The following TTC7A variants were observed in gnomAD, a reference collection of about 807,000 sequenced individuals.
TTC7A encodes the protein tetratricopeptide repeat domain 7A, also known as tetratricopeptide repeat protein 7A.
Under a neutral mutation model 103.7 loss-of-function variants are expected in TTC7A, and 110 were observed. The observed-to-expected ratio is 1.06, with a 90% CI of 0.91 to 1.24. The LOEUF (loss-of-function observed/expected upper bound fraction) is 1.24, where lower values mean the gene tolerates loss of function less well. Ranked by LOEUF, TTC7A falls within the 50% of genes most tolerant of loss-of-function variation. TTC7A has a pLI of 0.00. For synonymous variants in TTC7A, 521 were observed against 467.9 expected (o/e 1.11, Z -1.47); for missense variants, 1,340 against 1,116.3 (o/e 1.20, Z -2.86).
At chr2:47,005,839 G>C in intron 8 of TTC7A, 83 bp from the exon 9 acceptor site, 1 of 1,523,482 alleles carries the variant, frequency 6.6e-7, no homozygotes, top group Non-Finnish European at 9.0e-7. Flanking sequence ...TAGCGGCTGG[G>C]CCAGCAAGGT....
intron 14 of TTC7A, among the ~76,000 whole-genome samples, chr2:47,029,017 C>A (rs564206617): frequency 3.9e-4 from 60 of 152,334 alleles, no homozygotes; most frequent in African/African-American, 1.4e-3. Flanking sequence ...CACCACAAAC[C>A]TGCTTCTCTT....
chr2:46,934,787 CTTTTTTTTTTTTTTTTTT>C (rs1161003607), intron 2 of TTC7A, among the ~76,000 whole-genome samples: 3 of 66,888 alleles, frequency 4.5e-5, no homozygotes, highest in South Asian at 5.8e-4. Context: ...GACTACTGCT[CTTTTTTTTTTTTTTTTTT>C]TTTTTTTTTT....
rs546551153 is a variant in TTC7A at position 46,980,308 on chromosome 2, G to A, written c.764+1401G>A. Among the ~76,000 whole-genome samples the A allele has an allele frequency of 3.4e-5, 5 of 145,900 alleles. No individual in the cohort carries two copies. In the East Asian group the frequency reaches 6.1e-4, roughly 18 times the overall value. ...GATCATGGCTCACTGTACCTCCTGC[G>A]TTCTGGGCTCAGGTGATCCTCCCAC... On this transcript the variant is annotated intron_variant, in intron 5 of 19. Transcript: ENST00000319190.
intron 5 of TTC7A, among the ~76,000 whole-genome samples, chr2:46,979,744 C>G (rs900791856): frequency 1.2e-4 from 18 of 152,210 alleles, no homozygotes; most frequent in Admixed American, 7.9e-4. Context: ...CTGGCAACAT[C>G]TCCACCAGTC....
At chr2:47,001,038 A>G (rs1013579265) in intron 8 of TTC7A, among the ~76,000 whole-genome samples, 4 of 151,812 alleles carry the variant, frequency 2.6e-5, no homozygotes, top group African/African-American at 9.7e-5. Flanking sequence ...TTAGGTCCCA[A>G]CCCCCTGTCT....
chr2:47,006,651 G>C lies in TTC7A; in HGVS notation c.1214G>C (p.Arg405Pro). ...ATCTCCCCTCCCCAGTGCCTGGAGCGAGCCATGAAGTTTGCGTTTGGAGAA... is the reference window on the plus strand; with the variant it reads ...ATCTCCCCTCCCCAGTGCCTGGAGCCAGCCATGAAGTTTGCGTTTGGAGAA... ...QYVMLSECLE[R>P]AMKFAFGEFH... Residue 405 changes from arginine to proline, a missense_variant, in exon 10 of 20, where the codon CGA becomes CCA. Transcript: ENST00000319190. 3.1e-6 allele frequency: 5 copies of C among 1,614,096 alleles called. No homozygotes were observed. Among genetic ancestry groups the C allele is most frequent in the Non-Finnish European group, 4.2e-6 (5 of 1,179,944 alleles).
At chr2:46,972,612 A>G (rs960215888) in intron 3 of TTC7A, among the ~76,000 whole-genome samples, 1 of 152,224 alleles carries the variant, frequency 6.6e-6, no homozygotes, top group Non-Finnish European at 1.5e-5. Context: ...CATGGCTGTC[A>G]TGATCAGCTG....
At chr2:46,999,077 A>G (rs530225950) in intron 8 of TTC7A, among the ~76,000 whole-genome samples, 1 of 151,856 alleles carries the variant, frequency 6.6e-6, no homozygotes, top group Admixed American at 6.6e-5. Context: ...CTGGCCATCT[A>G]CCCTCCCATC....
At chr2:47,034,953 C>T (rs551352052) in intron 15 of TTC7A, among the ~76,000 whole-genome samples, 1 of 152,208 alleles carries the variant, frequency 6.6e-6, no homozygotes, top group African/African-American at 2.4e-5. Flanking sequence ...CCCAGGAAAC[C>T]TAGACTGTTT....
intron 8 of TTC7A, chr2:46,999,437 C>A: frequency 2.1e-6 from 2 of 968,048 alleles, no homozygotes; most frequent in Non-Finnish European, 2.5e-6. Context: ...ACCCATTCAT[C>A]CATTCATCTG....
At chr2:47,066,863 A>G (rs1238371591) in intron 19 of TTC7A, among the ~76,000 whole-genome samples, 2 of 152,192 alleles carry the variant, frequency 1.3e-5, no homozygotes, top group Non-Finnish European at 2.9e-5. Flanking sequence ...GCCTTTTTAA[A>G]AAATATATTT....
intron 10 of TTC7A, among the ~76,000 whole-genome samples, chr2:47,010,649 C>T (rs1474115985): frequency 1.3e-5 from 2 of 152,116 alleles, no homozygotes; most frequent in African/African-American, 2.4e-5. Flanking sequence ...AGCCTTTATA[C>T]GACCCCCAAC....
At chr2:46,951,071 C>T (rs1438907909) in intron 2 of TTC7A, among the ~76,000 whole-genome samples, 2 of 152,148 alleles carry the variant, frequency 1.3e-5, no homozygotes, top group African/African-American at 4.8e-5. Flanking sequence ...TAGTTAGAAA[C>T]AGGCAAACAT....
chr2:47,073,979 C>A lies in TTC7A; in HGVS notation c.*56C>A. On this transcript the variant is annotated 3_prime_UTR_variant, in exon 20 of 20. Coordinates refer to ENST00000319190, the MANE Select transcript of TTC7A (RefSeq NM_020458.4). ...GGCCAGAGGGAGAGGCAGCAGGGAA[C>A]GTGGGTCAGGGTGGGGCAACAGTGG... 4.0e-6 allele frequency: 6 copies of A among 1,481,574 alleles called. No homozygotes were observed. In the South Asian group the frequency reaches 7.1e-5, roughly 18 times the overall value. The allele number at this position is 1,481,574 out of a possible 1,614,324, so 91.8% of individuals were successfully genotyped here. A position where few individuals can be genotyped will look rare whatever the true frequency, so the allele number is the denominator to read the frequency against.
At chr2:47,054,124 A>G (rs894449571) in intron 18 of TTC7A, 8 of 985,346 alleles carry the variant, frequency 8.1e-6, no homozygotes, top group Admixed American at 6.1e-5. Context: ...CGAGAACAGC[A>G]TCTGAATGCT....
chr2:47,027,135 A>G (rs1242348983), intron 14 of TTC7A, among the ~76,000 whole-genome samples: 1 of 152,166 alleles, frequency 6.6e-6, no homozygotes, highest in Non-Finnish European at 1.5e-5. Context: ...GCCTTTCTAC[A>G]GGGTGCAGAA....
intron 2 of TTC7A, among the ~76,000 whole-genome samples, chr2:46,955,654 T>C (rs932665158): frequency 3.9e-5 from 6 of 152,154 alleles, no homozygotes; most frequent in Non-Finnish European, 8.8e-5. Flanking sequence ...GAAGGTGAAT[T>C]TGGCTTCCCC....
intron 3 of TTC7A, among the ~76,000 whole-genome samples, chr2:46,966,292 T>A (rs1243851775): frequency 6.6e-6 from 1 of 152,190 alleles, no homozygotes; most frequent in Non-Finnish European, 1.5e-5. Flanking sequence ...AATTTAATGA[T>A]CATGGCTACA....
At chr2:46,952,580 A>G (rs975767363) in intron 2 of TTC7A, among the ~76,000 whole-genome samples, 1 of 152,130 alleles carries the variant, frequency 6.6e-6, no homozygotes, top group Non-Finnish European at 1.5e-5. Flanking sequence ...GTGAGACCCC[A>G]TCTCTACAGA....
Sources: gnomAD v4.1 joint callset for allele counts (sites outside exome capture counted in the v4.1 genomes callset) on GRCh38, gnomAD v4.1.1 for gene constraint, MANE v1.5 for transcripts, NCBI Gene and HGNC (gene_info 2026-07-23, HGNC 2026-07-21) for gene names.